The following LRRC4C variants were observed in gnomAD, a reference collection of about 807,000 sequenced individuals.
LRRC4C encodes the protein leucine rich repeat containing 4C.
In LRRC4C, 5 loss-of-function variants were observed where a neutral mutation model predicts 33.6. The ratio of observed to expected loss-of-function variants is 0.15; its 90% CI spans 0.08 to 0.31. LRRC4C has a LOEUF of 0.31. Ranked by LOEUF, LRRC4C falls within the 10% of genes least tolerant of loss-of-function variation. The pLI, the probability that LRRC4C is intolerant of heterozygous loss-of-function variation, is 1.00. For missense variants in LRRC4C, 560 were observed against 796.7 expected (o/e 0.70, Z 3.58); for synonymous variants, 329 against 302.0 (o/e 1.09, Z -0.93).
At chr11:41,230,977 A>G (rs1289531097) in intron 1 of LRRC4C, among the ~76,000 whole-genome samples, 4 of 152,188 alleles carry the variant, frequency 2.6e-5, no homozygotes, top group Non-Finnish European at 5.9e-5. Flanking sequence ...ACTTCTCAAA[A>G]GAAGACATTT....
chr11:41,288,925 T>C (rs115925539), intron 1 of LRRC4C, among the ~76,000 whole-genome samples: 61,517 of 151,718 alleles, frequency 0.41, 13,277 homozygotes, highest in Non-Finnish European at 0.49. Context: ...ACCTTTATTT[T>C]TTTTTTTTAA....
At chr11:41,187,001 C>T (rs1230170970) in intron 1 of LRRC4C, among the ~76,000 whole-genome samples, 1 of 152,054 alleles carries the variant, frequency 6.6e-6, no homozygotes, top group African/African-American at 2.4e-5. Context: ...GGACCCAAAC[C>T]CAGATCTAAA....
At chr11:40,970,821 A>G (rs1851676129) in intron 1 of LRRC4C, among the ~76,000 whole-genome samples, 2 of 152,198 alleles carry the variant, frequency 1.3e-5, no homozygotes, top group African/African-American at 4.8e-5. Flanking sequence ...AGTAAAGGTC[A>G]CTTTTGCTAT....
At chr11:41,163,280 A>T (rs1455286768) in intron 1 of LRRC4C, among the ~76,000 whole-genome samples, 2 of 28,826 alleles carry the variant, frequency 6.9e-5, no homozygotes, top group Non-Finnish European at 9.0e-5. Flanking sequence ...AGTTTACTGT[A>T]ACTGTTTTTT....
rs1237296368 is a variant in LRRC4C at position 41,404,863 on chromosome 11, C to A, written c.-496+54568G>T. The stretch of plus-strand genomic sequence containing the variant: ...AGCAAATATAGAACTGGTAGTTTCA[C>A]TGTTATATGAAATATGAGGAGGACA... On this transcript the variant is annotated intron_variant, in intron 1 of 6. Transcript: ENST00000528697. 1.1e-4 allele frequency among the ~76,000 whole-genome samples: 16 copies of A among 152,118 alleles called. No homozygotes were observed. In the East Asian group the frequency reaches 3.1e-3, roughly 30 times the overall value.
intron 3 of LRRC4C, among the ~76,000 whole-genome samples, chr11:40,611,999 A>T (rs1327131119): frequency 2.6e-5 from 4 of 151,910 alleles, no homozygotes; most frequent in African/African-American, 9.6e-5. Flanking sequence ...AAAATACTAA[A>T]AATAAAACGA....
intron 2 of LRRC4C, among the ~76,000 whole-genome samples, chr11:40,748,190 C>T (rs888337720): frequency 4.6e-5 from 7 of 152,036 alleles, no homozygotes; most frequent in African/African-American, 9.7e-5. Context: ...AAAGAACCCC[C>T]GTTAGAATAA....
chr11:41,389,671 T>G (rs1415412367), intron 1 of LRRC4C, among the ~76,000 whole-genome samples: 4 of 83,800 alleles, frequency 4.8e-5, no homozygotes, highest in African/African-American at 1.7e-4. Flanking sequence ...AGAAAATTCT[T>G]GAAAAGAGGT....
At chr11:40,314,246 AATAG>A (rs1245799937) in intron 4 of LRRC4C, among the ~76,000 whole-genome samples, 1 of 152,126 alleles carries the variant, frequency 6.6e-6, no homozygotes, top group African/African-American at 2.4e-5. Context: ...AAATGATCCG[AATAG>A]ATATTTTTCA....
intron 1 of LRRC4C, among the ~76,000 whole-genome samples, chr11:41,166,828 G>A (rs1944751855): frequency 6.6e-6 from 1 of 152,156 alleles, no homozygotes; most frequent in South Asian, 2.1e-4. Context: ...ACAAACACAT[G>A]TATGATGCTT....
At chr11:40,603,437 C>A (rs1565549839) in intron 3 of LRRC4C, among the ~76,000 whole-genome samples, 1 of 152,090 alleles carries the variant, frequency 6.6e-6, no homozygotes, top group Non-Finnish European at 1.5e-5. Flanking sequence ...AGCAACAGTA[C>A]ATATAAGGTG....
intron 5 of LRRC4C, among the ~76,000 whole-genome samples, chr11:40,160,670 G>A (rs1277106189): frequency 5.9e-5 from 9 of 152,126 alleles, no homozygotes. Flanking sequence ...GAGCGAAAGG[G>A]CAGGGGTGGG....
At chr11:40,554,025 T>A (rs1397363786) in intron 3 of LRRC4C, among the ~76,000 whole-genome samples, 1 of 152,268 alleles carries the variant, frequency 6.6e-6, no homozygotes, top group East Asian at 1.9e-4. Context: ...TTGCTGATGT[T>A]CTGAAGAGTA....
At chr11:40,550,239 G>A (rs2135440246) in intron 3 of LRRC4C, among the ~76,000 whole-genome samples, 1 of 152,184 alleles carries the variant, frequency 6.6e-6, no homozygotes, top group Non-Finnish European at 1.5e-5. Flanking sequence ...TATGTTTAAT[G>A]TGTATCCCTT....
chr11:41,116,841 G>A (rs989518353), intron 1 of LRRC4C, among the ~76,000 whole-genome samples: 2 of 152,092 alleles, frequency 1.3e-5, no homozygotes, highest in African/African-American at 2.4e-5. Context: ...AAAGTTCACT[G>A]CAATGTTAAT....
At chr11:40,566,959 C>G in intron 3 of LRRC4C, among the ~76,000 whole-genome samples, 1 of 152,154 alleles carries the variant, frequency 6.6e-6, no homozygotes, top group Non-Finnish European at 1.5e-5. Context: ...GTCATTTATA[C>G]TAGTCATCTG....
chr11:40,173,440 A>C, intron 5 of LRRC4C, among the ~76,000 whole-genome samples: 1 of 152,224 alleles, frequency 6.6e-6, no homozygotes, highest in East Asian at 1.9e-4. Flanking sequence ...TATATACAAT[A>C]AATGAATGAA....
At position 40,727,823 on chromosome 11, in the gene LRRC4C, C is replaced by A. The variant is rs78580190; in HGVS notation, c.-406-79545G>T. On this transcript the variant is annotated intron_variant, in intron 2 of 6. Transcript: ENST00000528697. ...CAGCATTTTAGGAGGCTCAGGTGGGCGGATCACCTGAGTTCAGGAGTTTGA... is the reference window on the plus strand; with the variant it reads ...CAGCATTTTAGGAGGCTCAGGTGGGAGGATCACCTGAGTTCAGGAGTTTGA... Among the ~76,000 whole-genome samples the A allele has an allele frequency of 3.6e-3, 553 of 152,058 alleles. 7 individuals carry two copies. The highest frequency in any genetic ancestry group is 0.012 in the African/African-American group (511 of 41,476).
chr11:40,748,743 T>C (rs1415364159), intron 2 of LRRC4C, among the ~76,000 whole-genome samples: 2 of 152,092 alleles, frequency 1.3e-5, no homozygotes, highest in Non-Finnish European at 2.9e-5. Flanking sequence ...AAACGCACTT[T>C]ACCTATAAAG....
Sources: gnomAD v4.1 joint callset for allele counts (sites outside exome capture counted in the v4.1 genomes callset) on GRCh38, gnomAD v4.1.1 for gene constraint, MANE v1.5 for transcripts, NCBI Gene and HGNC (gene_info 2026-07-23, HGNC 2026-07-21) for gene names.